The following FRMPD4 variants were observed in gnomAD, a reference collection of about 807,000 sequenced individuals.
FRMPD4 encodes the protein FERM and PDZ domain-containing protein 4.
In FRMPD4, 22 loss-of-function variants were observed where a neutral mutation model predicts 94.1. That is an observed-to-expected ratio of 0.23 (90% CI 0.17 to 0.33). The LOEUF (loss-of-function observed/expected upper bound fraction) is 0.33. FRMPD4 is among the 10% of genes least tolerant of loss of function. The pLI is 1.00. For synonymous variants in FRMPD4, 631 were observed against 548.6 expected (o/e 1.15, Z -2.10); for missense variants, 1,111 against 1,339.9 (o/e 0.83, Z 2.67).
At chrX:12,404,993 A>G (rs981734873) in intron 1 of FRMPD4, among the ~76,000 whole-genome samples, 13 of 111,589 alleles carry the variant, frequency 1.2e-4, no homozygotes, top group African/African-American at 4.2e-4. Context: ...TGCAAACTGT[A>G]GAATGCTGAG....
chrX:12,697,078 T>A (rs189635189), intron 9 of FRMPD4, among the ~76,000 whole-genome samples: 1 of 112,512 alleles, frequency 8.9e-6, no homozygotes, highest in Non-Finnish European at 1.9e-5. Context: ...CCCTACATCA[T>A]TGGGAAAAGT....
intron 14 of FRMPD4, 31 bp downstream of exon 14, chrX:12,710,568 A>T (rs907226877): frequency 8.7e-7 from 1 of 1,154,912 alleles, no homozygotes; most frequent in Admixed American, 2.2e-5. Context: ...TCAAGCACTG[A>T]CCTCCCTGCA....
intron 1 of FRMPD4, among the ~76,000 whole-genome samples, chrX:12,188,152 C>T (rs2056446860): frequency 8.9e-6 from 1 of 111,765 alleles, no homozygotes; most frequent in African/African-American, 3.2e-5. Context: ...TGGGTTTTGG[C>T]AAGTTAATAA....
At chrX:12,551,624 T>C (rs141932604) in intron 2 of FRMPD4, among the ~76,000 whole-genome samples, 1,222 of 111,651 alleles carry the variant, frequency 0.011, 12 homozygotes, top group African/African-American at 0.038. Context: ...CTGTAGGTTT[T>C]TATCTCTGGA....
intron 1 of FRMPD4, among the ~76,000 whole-genome samples, chrX:12,167,713 G>A (rs1326356173): frequency 2.7e-5 from 3 of 111,835 alleles, no homozygotes; most frequent in Admixed American, 1.9e-4. Flanking sequence ...ATGGGAAGAC[G>A]ATATAATGGA....
At chrX:12,173,095 G>T (rs762897511) in intron 1 of FRMPD4, among the ~76,000 whole-genome samples, 1 of 112,563 alleles carries the variant, frequency 8.9e-6, no homozygotes, top group Non-Finnish European at 1.9e-5. Context: ...CATACTTCGG[G>T]CCAAGCCCAA....
At chrX:12,213,732 T>C (rs1250497673) in intron 1 of FRMPD4, among the ~76,000 whole-genome samples, 1 of 112,331 alleles carries the variant, frequency 8.9e-6, no homozygotes, top group African/African-American at 3.2e-5. Context: ...TACTGTCTTT[T>C]ACATGCAATC....
intron 1 of FRMPD4, among the ~76,000 whole-genome samples, chrX:12,162,757 A>G: frequency 8.9e-6 from 1 of 111,847 alleles, no homozygotes; most frequent in Non-Finnish European, 1.9e-5. Context: ...AGCAGGTGGC[A>G]TGTCCCCTTT....
intron 1 of FRMPD4, among the ~76,000 whole-genome samples, chrX:12,251,172 T>G (rs185368803): frequency 1.8e-5 from 2 of 112,128 alleles, no homozygotes; most frequent in East Asian, 5.6e-4. Context: ...AAGGAGCAGG[T>G]GTCTTCCACA....
chrX:12,190,162 A>T (rs1350476849), intron 1 of FRMPD4, among the ~76,000 whole-genome samples: 2 of 111,656 alleles, frequency 1.8e-5, no homozygotes, highest in Admixed American at 9.5e-5. Flanking sequence ...TAAAATTTAT[A>T]CAAGATCTGT....
At chrX:12,151,457 T>C (rs925648555) in intron 1 of FRMPD4, among the ~76,000 whole-genome samples, 8 of 111,444 alleles carry the variant, frequency 7.2e-5, no homozygotes, top group Admixed American at 6.7e-4. Flanking sequence ...AACTTGAATT[T>C]CAAAAATGCT....
intron 1 of FRMPD4, among the ~76,000 whole-genome samples, chrX:12,487,483 C>CA (rs1376283406): frequency 9.1e-6 from 1 of 110,368 alleles, no homozygotes; most frequent in Non-Finnish European, 1.9e-5. Flanking sequence ...TGTTTAAAGA[C>CA]AAAAAAAGAA....
chrX:11,982,306 A>T (rs2054401724), intron 3 of FRMPD4, among the ~76,000 whole-genome samples: 1 of 109,166 alleles, frequency 9.2e-6, no homozygotes, highest in Non-Finnish European at 1.9e-5. Context: ...TAGGTGAACG[A>T]TCTTTTCTTT....
chrX:12,570,564 A>G (rs1043514698), intron 2 of FRMPD4, among the ~76,000 whole-genome samples: 1 of 111,669 alleles, frequency 9.0e-6, no homozygotes, highest in Non-Finnish European at 1.9e-5. Context: ...TCAGCCTCCC[A>G]AAGTGCTAGG....
intron 1 of FRMPD4, among the ~76,000 whole-genome samples, chrX:11,842,978 A>C (rs1426476450): frequency 1.8e-5 from 2 of 111,730 alleles, no homozygotes; most frequent in Non-Finnish European, 3.8e-5. Flanking sequence ...TTCATGCTAT[A>C]TTTTTATTTT....
At chrX:11,945,778 G>C (rs1328357633) in intron 3 of FRMPD4, among the ~76,000 whole-genome samples, 1 of 111,522 alleles carries the variant, frequency 9.0e-6, no homozygotes, top group East Asian at 2.8e-4. Context: ...AGACATTCAT[G>C]AAAGACCCAC....
chrX:11,827,389 G>A (rs2053450316), intron 1 of FRMPD4, among the ~76,000 whole-genome samples: 1 of 109,635 alleles, frequency 9.1e-6, no homozygotes, highest in Admixed American at 9.9e-5. Flanking sequence ...GTTTGAATGG[G>A]TGGAAGTAGA....
chrX:12,557,258 G>GACCCA, intron 2 of FRMPD4, among the ~76,000 whole-genome samples: 1 of 70,319 alleles, frequency 1.4e-5, no homozygotes, highest in African/African-American at 6.2e-5. Flanking sequence ...GGAGAGAAGA[G>GACCCA]GTAGCAAAGG....
chrX:12,674,151 C>T (rs1308841910), intron 4 of FRMPD4, among the ~76,000 whole-genome samples: 1 of 111,842 alleles, frequency 8.9e-6, no homozygotes, highest in Non-Finnish European at 1.9e-5. Flanking sequence ...GTTTGAGTTA[C>T]GTGGAGGGAA....
Sources: allele counts gnomAD v4.1 joint callset (sites outside exome capture counted in the v4.1 genomes callset), GRCh38; gene constraint gnomAD v4.1.1; transcripts MANE v1.5; gene names NCBI Gene and HGNC (gene_info 2026-07-23, HGNC 2026-07-21).